Variants in SARS1 observed in about 807,000 individuals in gnomAD.
SARS1 encodes the protein seryl-tRNA synthetase 1.
A neutral mutation model predicts 63.7 loss-of-function variants in SARS1; 25 were observed. The observed-to-expected ratio is 0.39, with a 90% CI of 0.29 to 0.55. The LOEUF (loss-of-function observed/expected upper bound fraction) is 0.55, where lower values mean the gene tolerates loss of function less well. Among genes scored for constraint, SARS1 ranks in the 20% least tolerant of loss-of-function variants. The pLI is 0.62. For missense variants in SARS1, 417 were observed against 649.7 expected, an observed-to-expected ratio of 0.64 and a Z score of 3.89; for synonymous variants, 231 against 243.5, an observed-to-expected ratio of 0.95 and a Z score of 0.48.
In SARS1 at chr1:109,229,295, T is replaced by G. The variant is rs2101198479; in HGVS notation, c.289-119T>G. 5 of 1,028,340 alleles carry G rather than the reference T, an allele frequency of 4.9e-6. No individual in the cohort carries two copies. The South Asian group carries it at 6.5e-5, about 13-fold the overall frequency. 63.7% of individuals were successfully genotyped at this position (1,028,340 alleles called of 1,614,324 possible). ...TCTTAAAAGTCTTCGTTTCCAGTTT[T>G]TAAAATGCTACCACAAGGGCTATCT... On this transcript the variant is annotated intron_variant, in intron 3 of 10. Coordinates refer to ENST00000234677, the MANE Select transcript of SARS1 (RefSeq NM_006513.4).
intron 1 of SARS1, chr1:109,215,813 A>G (rs769876408): frequency 2.4e-5 from 9 of 369,332 alleles, no homozygotes; most frequent in Non-Finnish European, 1.1e-5. Flanking sequence ...TCAAGAGATT[A>G]TCATGCCTCA....
chr1:109,217,717 TGCCCA>T (rs966416656), intron 1 of SARS1, among the ~76,000 whole-genome samples: 1 of 151,854 alleles, frequency 6.6e-6, no homozygotes, highest in African/African-American at 2.4e-5. Context: ...TGCACCACCA[TGCCCA>T]GCTAATTTTT....
rs66652692 is a variant in SARS1 at position 109,226,663 on chromosome 1, T to TAA, written c.208-1675_208-1674dup. Among the ~76,000 whole-genome samples the TAA allele has an allele frequency of 7.6e-3, 422 of 55,420 alleles. 3 individuals are homozygous for TAA. The highest frequency in any genetic ancestry group is 0.015 in the African/African-American group (200 of 13,496). 36.4% of individuals were successfully genotyped at this position (55,420 alleles called of 152,430 possible). The stretch of plus-strand genomic sequence containing the variant: ...TGTACTCCACTATGCCTGGCTAATT[T>TAA]AAAAAAAAAAAAAAATATATATATA... On this transcript the variant is annotated intron_variant, in intron 2 of 10. Transcript: ENST00000234677.
intron 6 of SARS1, among the ~76,000 whole-genome samples, chr1:109,233,862 ATTTTT>A (rs1164453054): frequency 4.5e-5 from 3 of 65,968 alleles, no homozygotes; most frequent in African/African-American, 5.5e-5. Context: ...CACCTGGCTA[ATTTTT>A]TTTTTTTTTT....
chr1:109,236,345 GAAATACCATCC>G (rs1260815791), intron 8 of SARS1, 35 bp from the exon 9 acceptor site: 2 of 1,556,004 alleles, frequency 1.3e-6, no homozygotes, highest in African/African-American at 2.7e-5. Context: ...TTAGCCTTCT[GAAATACCATCC>G]CTCCTTCATG....
At position 109,237,391 on chromosome 1, in the gene SARS1, T is replaced by G. The variant is rs1655335866; in HGVS notation, c.1387+18T>G. ...GCCGCCAGGTAAAACTCCCAGCTCA[T>G]CTCATCGTTCTCCTCTTTTCTGTCT... On this transcript the variant is annotated intron_variant, in intron 10 of 10. Transcript: ENST00000234677. This position sits in a 1 kb window ranked among gnomAD's most constrained non-coding sequence, Gnocchi z 4.1. 6.2e-7 allele frequency: 1 copy of G among 1,614,056 alleles called. No individual in the cohort carries two copies. The highest frequency in any genetic ancestry group is 1.3e-5 in the African/African-American group (1 of 74,934).
intron 6 of SARS1, among the ~76,000 whole-genome samples, chr1:109,233,139 G>A (rs1194494615): frequency 6.7e-6 from 1 of 149,558 alleles, no homozygotes; most frequent in East Asian, 2.0e-4. Context: ...TGATGCAACC[G>A]AGGAACTAAA....
At position 109,228,424 on chromosome 1, in the gene SARS1, G is replaced by T. The variant is rs749398091; in HGVS notation, c.280G>T (p.Ala94Ser). Residue 94 changes from alanine to serine, a missense_variant, in exon 3 of 11, where the codon GCT becomes TCT. Around this residue, in one of 3 missense-constraint regions of SARS1, gnomAD observed 359 missense variants for 529.6 expected, o/e 0.68. Coordinates refer to ENST00000234677, the MANE Select transcript of SARS1 (RefSeq NM_006513.4). The stretch of plus-strand genomic sequence containing the variant: ...GAGTTTCGATGACCTTACTGCAGAC[G>T]CTTTAGCTGTAAGTTATAGTTCTTT... ...VLSFDDLTADALANLKVSQIK... is the reference protein window; with the variant it reads ...VLSFDDLTADSLANLKVSQIK... 9 of 1,608,268 alleles carry T rather than the reference G, an allele frequency of 5.6e-6. No individual in the cohort carries two copies. The highest frequency in any genetic ancestry group is 3.3e-5 in the Admixed American group (2 of 59,864).
intron 1 of SARS1, among the ~76,000 whole-genome samples, chr1:109,223,219 A>T (rs150373340): frequency 6.6e-6 from 1 of 152,348 alleles, no homozygotes; most frequent in African/African-American, 2.4e-5. Context: ...AGGCTGCTAG[A>T]TGAGCATTAT....
chr1:109,220,163 TAAG>T (rs1443000043), intron 1 of SARS1, among the ~76,000 whole-genome samples: 1 of 152,256 alleles, frequency 6.6e-6, no homozygotes, highest in African/African-American at 2.4e-5. Flanking sequence ...TATTTTGTGA[TAAG>T]AACATATGTA....
At chr1:109,225,646 A>G (rs1655047882) in intron 2 of SARS1, among the ~76,000 whole-genome samples, 1 of 152,250 alleles carries the variant, frequency 6.6e-6, no homozygotes, top group African/African-American at 2.4e-5. Context: ...AAGCATTCAG[A>G]TACTTTCACA....
At position 109,237,661 on chromosome 1, in the gene SARS1, C is replaced by T; in HGVS notation, c.1388-70C>T. The stretch of plus-strand genomic sequence containing the variant: ...AAAGGGATCATTGTCTTGTTGAATT[C>T]TCCCCAGAGGTCTTAGGGCTTTGAC... On this transcript the variant is annotated intron_variant, in intron 10 of 10. Coordinates refer to ENST00000234677, the MANE Select transcript of SARS1 (RefSeq NM_006513.4). This position sits in a 1 kb window ranked among gnomAD's most constrained non-coding sequence, Gnocchi z 4.1. 6.5e-7 allele frequency: 1 copy of T among 1,532,394 alleles called. No homozygotes were observed. Among genetic ancestry groups the T allele is most frequent in the East Asian group, 2.3e-5 (1 of 44,314 alleles). The allele number at this position is 1,532,394 out of a possible 1,614,324, so 94.9% of individuals were successfully genotyped here. A position where few individuals can be genotyped will look rare whatever the true frequency, so the allele number is the denominator to read the frequency against.
At chr1:109,236,217 A>G in intron 8 of SARS1, 111 bp downstream of exon 8, 12 of 1,363,720 alleles carry the variant, frequency 8.8e-6, no homozygotes, top group Non-Finnish European at 1.2e-5. Flanking sequence ...CATTGCCCAC[A>G]TTAATTAAAA....
At chr1:109,218,013 A>T (rs1348532333) in intron 1 of SARS1, among the ~76,000 whole-genome samples, 5 of 151,524 alleles carry the variant, frequency 3.3e-5, no homozygotes, top group African/African-American at 4.9e-5. Flanking sequence ...AACACGGTGA[A>T]ACCCCATCTC....
Position 109,214,503 on chromosome 1 carries a change from C to G in SARS1, c.136+375C>G, listed in dbSNP as rs933159027. On this transcript the variant is annotated intron_variant, in intron 1 of 10. Transcript: ENST00000234677. This position sits in a 1 kb window ranked among gnomAD's most constrained non-coding sequence, Gnocchi z 4.6. ...ATCTTTGGTCCCCCCCAGTCTTTTT[C>G]TCATCTTCAGCAAGGCCAGAGTGGT... The G allele has an allele frequency of 3.9e-5, 40 of 1,016,402 alleles. No individual in the cohort carries two copies. The highest frequency in any genetic ancestry group is 8.3e-6 in the Non-Finnish European group (7 of 846,036). 63.0% of individuals were successfully genotyped at this position (1,016,402 alleles called of 1,614,324 possible). A position where few individuals can be genotyped will look rare whatever the true frequency, so the allele number is the denominator to read the frequency against.
At chr1:109,218,282 G>T (rs1010977972) in intron 1 of SARS1, among the ~76,000 whole-genome samples, 7 of 150,306 alleles carry the variant, frequency 4.7e-5, no homozygotes, top group African/African-American at 1.7e-4. Context: ...CAGGAGAATT[G>T]CTTGAACCCG....
At chr1:109,217,754 C>G (rs1302777855) in intron 1 of SARS1, among the ~76,000 whole-genome samples, 1 of 151,826 alleles carries the variant, frequency 6.6e-6, no homozygotes, top group East Asian at 1.9e-4. Context: ...GAGACAGAGT[C>G]TCACTTTGTT....
chr1:109,229,618 T>A (rs1346359162), intron 4 of SARS1, 46 bp downstream of exon 4: 1 of 1,584,210 alleles, frequency 6.3e-7, no homozygotes, highest in East Asian at 2.3e-5. Context: ...GTCGCTGCTG[T>A]CTCTGCAGGG....
Position 109,231,749 on chromosome 1 carries a change from T to C in SARS1, c.710T>C (p.Val237Ala). ...FFMRKEVMQE[V>A]AQLSQFDEEL... ...ATGAGGAAGGAGGTCATGCAGGAGGTGGCACAGCTCAGCCAGTTTGATGAA... is the reference window on the plus strand; with the variant it reads ...ATGAGGAAGGAGGTCATGCAGGAGGCGGCACAGCTCAGCCAGTTTGATGAA... Residue 237 changes from valine (V) to alanine (A), a missense_variant, in exon 6 of 11, where the codon GTG becomes GCG. By Grantham distance (64) the Val-to-Ala change is moderately conservative. Transcript: ENST00000234677. 6.3e-7 allele frequency: 1 copy of C among 1,582,504 alleles called. No individual in the cohort carries two copies. Among genetic ancestry groups the C allele is most frequent in the Non-Finnish European group, 8.6e-7 (1 of 1,166,756 alleles).
Sources: gnomAD v4.1 joint callset for allele counts (sites outside exome capture counted in the v4.1 genomes callset) on GRCh38, gnomAD v4.1.1 for gene constraint, gnomAD v4.1.1 regional missense constraint, Gnocchi (gnomAD v3.1) non-coding constraint, MANE v1.5 for transcripts, NCBI Gene and HGNC (gene_info 2026-07-23, HGNC 2026-07-21) for gene names.